The following TNRC18 variants were observed in gnomAD, a reference collection of about 807,000 sequenced individuals.
The protein encoded by TNRC18 is trinucleotide repeat containing 18.
TNRC18 carries 69 observed loss-of-function variants against 226.7 expected under a neutral mutation model. The observed-to-expected ratio is 0.30, with a 90% confidence interval of 0.25 to 0.37. The LOEUF is 0.37. Ranked by LOEUF, TNRC18 falls within the 10% of genes least tolerant of loss-of-function variation. The pLI, the probability that TNRC18 is intolerant of heterozygous loss-of-function variation, is 1.00. For synonymous variants in TNRC18, 2,449 were observed against 1,927.6 expected, an observed-to-expected ratio of 1.27 and a Z score of -7.09; for missense variants, 4,754 against 4,256.6, an observed-to-expected ratio of 1.12 and a Z score of -3.25.
chr7:5,383,966 T>TTTC (rs1243331353), intron 5 of TNRC18, among the ~76,000 whole-genome samples: 7 of 140,804 alleles, frequency 5.0e-5, no homozygotes, highest in Admixed American at 1.4e-4. Context: ...GATTTTTTTT[T>TTTC]TTTTTTTTTT....
intron 2 of TNRC18, among the ~76,000 whole-genome samples, chr7:5,417,519 G>A (rs554817199): frequency 6.6e-6 from 1 of 152,256 alleles, no homozygotes; most frequent in African/African-American, 2.4e-5. Flanking sequence ...TCGGATTTGT[G>A]TGTTCACTCC....
Position 5,387,962 on chromosome 7 carries a change from G to C in TNRC18, c.1862C>G (p.Pro621Arg). ...SPFGGLGTMK[P>R]EPAPTSAGAS... ...ACCCGCAGAGGTGGGCGCAGGCTCG[G>C]GTTTCATGGTGCCCAAACCTCCAAA... Residue 621 changes from proline (P) to arginine (R), a missense_variant, in exon 5 of 30, where the codon CCC becomes CGC. Coordinates refer to ENST00000430969, the MANE Select transcript of TNRC18 (RefSeq NM_001080495.3). The C allele has an allele frequency of 1.3e-6, 2 of 1,597,426 alleles. No homozygotes were observed. Among genetic ancestry groups the C allele is most frequent in the Non-Finnish European group, 1.7e-6 (2 of 1,173,180 alleles).
Position 5,371,307 on chromosome 7 carries a change from G to A in TNRC18, c.3287C>T (p.Pro1096Leu). ...ALPPHYGRPY[P>L]FLLQPTAAAD... ...GGCGGCCGTGGGCTGCAGCAGGAAAGGGTAGGGCCTCCCGTAGTGCGGTGG... is the reference window on the plus strand; with the variant it reads ...GGCGGCCGTGGGCTGCAGCAGGAAAAGGTAGGGCCTCCCGTAGTGCGGTGG... Residue 1096 changes from proline (P) to leucine (L), a missense_variant, in exon 11 of 30, where the codon CCT becomes CTT. Pro to Leu is a moderately conservative substitution (Grantham distance 98). Transcript: ENST00000430969. The A allele has an allele frequency of 6.4e-7, 1 of 1,558,086 alleles. No individual in the cohort carries two copies. The highest frequency in any genetic ancestry group is 8.7e-7 in the Non-Finnish European group (1 of 1,155,338).
In TNRC18 at chr7:5,361,688, G is replaced by A. The variant is rs1163603330; in HGVS notation, c.4567C>T (p.Arg1523Cys). Residue 1523 changes from arginine (R) to cysteine (C), a missense_variant, in exon 14 of 30, where the codon CGC becomes TGC. By Grantham distance (180) the Arg-to-Cys change is radical. Transcript: ENST00000430969. ...TTCCGCGGCCTGCCAGGGCCTCTGC[G>A]TGCCAAGCTTCTATGGGGTTCCTCG... ...RREEPHRSLA[R>C]RGPGRPRKRT... 8.3e-6 allele frequency: 13 copies of A among 1,566,334 alleles called. No individual in the cohort carries two copies. Among genetic ancestry groups the A allele is most frequent in the East Asian group, 4.8e-5 (2 of 41,936 alleles).
At position 5,394,653 on chromosome 7, in the gene TNRC18, C is replaced by T. The variant is rs902467820; in HGVS notation, c.188-58G>A. On this transcript the variant is annotated intron_variant, in intron 2 of 29. Transcript: ENST00000430969. This position sits in a 1 kb window ranked among gnomAD's most constrained non-coding sequence, Gnocchi z 4.5. ...GACAACCAGGGAGGCGCCGCCGCCC[C>T]AGCCCACCGCCCCGACCCACCGCCC... The T allele has an allele frequency of 1.5e-5, 21 of 1,367,790 alleles. No individual in the cohort carries two copies. Among genetic ancestry groups the T allele is most frequent in the Non-Finnish European group, 2.0e-5 (20 of 1,001,152 alleles). 84.7% of individuals were successfully genotyped at this position (1,367,790 alleles called of 1,614,324 possible). A position where few individuals can be genotyped will look rare whatever the true frequency, so the allele number is the denominator to read the frequency against.
Position 5,362,836 on chromosome 7 carries a change from G to T in TNRC18, c.4220-11C>A. 2 of 1,507,582 alleles carry T rather than the reference G, an allele frequency of 1.3e-6. No individual in the cohort carries two copies. The highest frequency in any genetic ancestry group is 1.8e-6 in the Non-Finnish European group (2 of 1,128,264). 93.4% of individuals were successfully genotyped at this position (1,507,582 alleles called of 1,614,324 possible). On this transcript the variant is annotated splice_polypyrimidine_tract_variant and intron_variant, in intron 11 of 29. Transcript: ENST00000430969. Reference sequence around the variant, plus strand: ...GGGCCCGCTCCGCACCTGTGGACAGGAGGTAGGTAACAGGGCGCTGCTGCC... The same window carrying T: ...GGGCCCGCTCCGCACCTGTGGACAGTAGGTAGGTAACAGGGCGCTGCTGCC...
chr7:5,369,023 T>C (rs1793905187), intron 11 of TNRC18, among the ~76,000 whole-genome samples: 1 of 152,128 alleles, frequency 6.6e-6, no homozygotes, highest in Non-Finnish European at 1.5e-5. Context: ...GCGCAGCCCA[T>C]GTCCCAGAAC....
intron 2 of TNRC18, chr7:5,420,124 A>C: frequency 6.4e-6 from 2 of 314,552 alleles, no homozygotes; most frequent in East Asian, 2.3e-4. Flanking sequence ...CTCTGGCTGC[A>C]GCGGCCGCGG....
At chr7:5,407,287 C>G (rs1356590492) in intron 2 of TNRC18, 1 of 152,314 alleles carries the variant, frequency 6.6e-6, no homozygotes, top group South Asian at 2.1e-4. Context: ...GGGACCAGAA[C>G]CAGGACCAAG....
At chr7:5,396,169 T>C (rs1780674028) in intron 2 of TNRC18, among the ~76,000 whole-genome samples, 2 of 88,104 alleles carry the variant, frequency 2.3e-5, no homozygotes, top group South Asian at 7.1e-4. Context: ...AGACTCTGTC[T>C]CAAAAAAAAA....
At chr7:5,338,963 C>T (rs1165934895) in intron 18 of TNRC18, among the ~76,000 whole-genome samples, 1 of 150,304 alleles carries the variant, frequency 6.7e-6, no homozygotes, top group Non-Finnish European at 1.5e-5. Flanking sequence ...TCTGGCTCTC[C>T]ACAACCTCAG....
intron 8 of TNRC18, among the ~76,000 whole-genome samples, chr7:5,376,489 C>G (rs549175752): frequency 6.6e-6 from 1 of 152,190 alleles, no homozygotes; most frequent in Non-Finnish European, 1.5e-5. Flanking sequence ...CAGGTCAGCA[C>G]GCAGACACGT....
At chr7:5,336,928 G>T (rs1790169616) in intron 18 of TNRC18, among the ~76,000 whole-genome samples, 1 of 152,136 alleles carries the variant, frequency 6.6e-6, no homozygotes, top group Admixed American at 6.6e-5. Flanking sequence ...ATGTTAAACA[G>T]GAAAAGAAAG....
chr7:5,313,091 A>T lies in TNRC18; in HGVS notation c.7800T>A (p.Arg2600=). The T allele has an allele frequency of 1.5e-6, 2 of 1,324,036 alleles. No individual in the cohort carries two copies. The highest frequency in any genetic ancestry group is 1.3e-5 in the South Asian group (1 of 79,946). 82.0% of individuals were successfully genotyped at this position (1,324,036 alleles called of 1,614,324 possible). ...NGDGGCGTGG[R]NCSAASSRAA... is the part of the protein sequence containing the mutation. ...CCCTGGAGCTGGCAGCGCTGCAGTT[A>T]CGGCCCCCGGTGCCGCAGCCCCCGT... is the stretch of plus-strand genomic sequence containing the variant. The change falls in exon 27 of 30, where the codon CGT becomes CGA. Residue 2600 remains arginine, a synonymous_variant. Coordinates refer to ENST00000430969, the MANE Select transcript of TNRC18 (RefSeq NM_001080495.3).
chr7:5,412,656 T>G (rs1052576620), intron 2 of TNRC18, among the ~76,000 whole-genome samples: 3 of 152,178 alleles, frequency 2.0e-5, no homozygotes, highest in African/African-American at 7.2e-5. Flanking sequence ...TTCACTCTAA[T>G]GAACCCATTT....
At chr7:5,323,774 G>T (rs937515977) in intron 21 of TNRC18, among the ~76,000 whole-genome samples, 1 of 151,948 alleles carries the variant, frequency 6.6e-6, no homozygotes, top group Non-Finnish European at 1.5e-5. Flanking sequence ...CACCATGTTG[G>T]CCAGGCTGGT....
chr7:5,403,318 G>A (rs1051574225), intron 2 of TNRC18, among the ~76,000 whole-genome samples: 3 of 152,042 alleles, frequency 2.0e-5, no homozygotes, highest in East Asian at 3.9e-4. Flanking sequence ...GCACCACCAC[G>A]CCCAGCTAAA....
At chr7:5,384,429 C>T (rs1256731866) in intron 5 of TNRC18, among the ~76,000 whole-genome samples, 1 of 152,182 alleles carries the variant, frequency 6.6e-6, no homozygotes, top group African/African-American at 2.4e-5. Flanking sequence ...TTTCAAACAT[C>T]AGCACCAACA....
chr7:5,324,099 G>T lies in TNRC18; in HGVS notation c.6442+115C>A, dbSNP rs1788650263. 8.4e-7 allele frequency: 1 copy of T among 1,197,326 alleles called. No individual in the cohort carries two copies. The highest frequency in any genetic ancestry group is 1.5e-5 in the African/African-American group (1 of 65,340). 74.2% of individuals were successfully genotyped at this position (1,197,326 alleles called of 1,614,324 possible). On this transcript the variant is annotated intron_variant, in intron 21 of 29. Transcript: ENST00000430969. This position sits in a 1 kb window ranked among gnomAD's most constrained non-coding sequence, Gnocchi z 4.8. The stretch of plus-strand genomic sequence containing the variant: ...TCAGCCTCAGGATCTCTGCTCCTGT[G>T]GTTCCCTGCCCCCAGCTAGCCCAGC...
Sources: gnomAD v4.1 joint callset for allele counts (sites outside exome capture counted in the v4.1 genomes callset) on GRCh38, gnomAD v4.1.1 for gene constraint, Gnocchi (gnomAD v3.1) non-coding constraint, MANE v1.5 for transcripts, NCBI Gene and HGNC (gene_info 2026-07-23, HGNC 2026-07-21) for gene names.